GREM2: variants seen among roughly 807,000 people sequenced by gnomAD.
GREM2 encodes the protein gremlin-2.
A neutral mutation model predicts 14.2 loss-of-function variants in GREM2; 11 were observed. The observed-to-expected ratio is 0.78, with a 90% CI of 0.49 to 1.28. The LOEUF is 1.28. GREM2 is among the 50% of genes most tolerant of loss of function. The pLI is 0.00. For missense variants in GREM2, 210 were observed against 218.5 expected (o/e 0.96, Z 0.24); for synonymous variants, 98 against 97.6 (o/e 1.00, Z -0.02).
intron 1 of GREM2, chr1:240,531,558 CA>C (rs1678359617): frequency 1.2e-6 from 1 of 803,048 alleles, no homozygotes; most frequent in African/African-American, 1.9e-5. Context: ...AAAAGCTTCC[CA>C]AACAAAGGAA....
chr1:240,524,493 G>C (rs1678178999), intron 1 of GREM2, among the ~76,000 whole-genome samples: 1 of 152,216 alleles, frequency 6.6e-6, no homozygotes, highest in Non-Finnish European at 1.5e-5. Flanking sequence ...TTTTGAATAA[G>C]TGCAGAATTA....
chr1:240,610,001 C>T (rs1680102477), intron 1 of GREM2, among the ~76,000 whole-genome samples: 1 of 152,120 alleles, frequency 6.6e-6, no homozygotes, highest in Non-Finnish European at 1.5e-5. Context: ...TGAATAATCA[C>T]AGCATTGTTT....
intron 1 of GREM2, among the ~76,000 whole-genome samples, chr1:240,599,178 G>T (rs944061079): frequency 6.6e-6 from 1 of 151,190 alleles, no homozygotes; most frequent in Non-Finnish European, 1.5e-5. Context: ...TGAGGCAGGA[G>T]AATTGCTTGA....
rs111906858 is a variant in GREM2, at chr1:240,592,913, C to G, written c.-2+18971G>C. Among the ~76,000 whole-genome samples the G allele has an allele frequency of 6.7e-3, 1,012 of 151,114 alleles. 19 individuals are homozygous for G. Among genetic ancestry groups the G allele is most frequent in the African/African-American group, 0.023 (925 of 40,880 alleles). ...GGTTGGGAAGCCAAGGCAGGCGGAT[C>G]ACCTGAGGACAGAAGTTCGAGACCA... On this transcript the variant is annotated intron_variant, in intron 1 of 1. Coordinates refer to ENST00000318160, the MANE Select transcript of GREM2 (RefSeq NM_022469.4).
At chr1:240,553,466 C>T (rs925529819) in intron 1 of GREM2, among the ~76,000 whole-genome samples, 4 of 152,132 alleles carry the variant, frequency 2.6e-5, no homozygotes, top group African/African-American at 4.8e-5. Flanking sequence ...TTGTCAGATG[C>T]GTAAAAATCT....
intron 1 of GREM2, among the ~76,000 whole-genome samples, chr1:240,509,687 C>A (rs1377771070): frequency 6.6e-6 from 1 of 152,054 alleles, no homozygotes; most frequent in Non-Finnish European, 1.5e-5. Context: ...CTCTTATGAC[C>A]TCCCTGCCCC....
intron 1 of GREM2, among the ~76,000 whole-genome samples, chr1:240,576,463 A>G (rs191827590): frequency 2.6e-5 from 4 of 152,324 alleles, no homozygotes; most frequent in Admixed American, 2.6e-4. Context: ...GATTTCAATC[A>G]AGCCACAAAC....
intron 1 of GREM2, among the ~76,000 whole-genome samples, chr1:240,598,982 T>G (rs1482274602): frequency 6.6e-6 from 1 of 151,606 alleles, no homozygotes; most frequent in East Asian, 1.9e-4. Context: ...CAATAAAGAG[T>G]AAGTGGTCGG....
intron 1 of GREM2, among the ~76,000 whole-genome samples, chr1:240,583,342 T>C (rs576397203): frequency 1.2e-4 from 19 of 152,268 alleles, no homozygotes; most frequent in African/African-American, 4.1e-4. Flanking sequence ...AGGAAAAATA[T>C]AAAGATGTGA....
At chr1:240,590,756 C>T (rs1356409075) in intron 1 of GREM2, 1 of 150,270 alleles carries the variant, frequency 6.7e-6, no homozygotes, top group Non-Finnish European at 1.5e-5. Context: ...GCTTGTTCTT[C>T]CCCAAGTCTC....
At chr1:240,592,403 C>G (rs1203492441) in intron 1 of GREM2, among the ~76,000 whole-genome samples, 1 of 151,662 alleles carries the variant, frequency 6.6e-6, no homozygotes, top group African/African-American at 2.4e-5. Context: ...ATATTTGCAC[C>G]AAAAAATATT....
At chr1:240,509,608 T>C (rs953747452) in intron 1 of GREM2, among the ~76,000 whole-genome samples, 4 of 151,938 alleles carry the variant, frequency 2.6e-5, no homozygotes, top group African/African-American at 9.7e-5. Flanking sequence ...CCTCAGGTGA[T>C]CCGCCCGCCT....
intron 1 of GREM2, among the ~76,000 whole-genome samples, chr1:240,594,947 T>C (rs1035181674): frequency 6.6e-6 from 1 of 152,320 alleles, no homozygotes; most frequent in East Asian, 1.9e-4. Context: ...ATTTGTGTGA[T>C]AGGAATTTTT....
intron 1 of GREM2, among the ~76,000 whole-genome samples, chr1:240,559,899 A>T (rs1679009419): frequency 6.6e-6 from 1 of 152,084 alleles, no homozygotes; most frequent in East Asian, 1.9e-4. Flanking sequence ...GATATGTTCA[A>T]CTCAAACAAT....
chr1:240,555,813 G>A (rs776974774), intron 1 of GREM2, among the ~76,000 whole-genome samples: 1 of 152,228 alleles, frequency 6.6e-6, no homozygotes, highest in Non-Finnish European at 1.5e-5. Context: ...TATCCTTGGA[G>A]AATAGCATGA....
At chr1:240,579,245 T>G (rs1263141120) in intron 1 of GREM2, among the ~76,000 whole-genome samples, 2 of 152,326 alleles carry the variant, frequency 1.3e-5, no homozygotes, top group African/African-American at 4.8e-5. Flanking sequence ...GGTTGTAACA[T>G]CAACTTTGCA....
chr1:240,554,599 T>C (rs1678918165), intron 1 of GREM2, among the ~76,000 whole-genome samples: 1 of 152,176 alleles, frequency 6.6e-6, no homozygotes, highest in Admixed American at 6.5e-5. Context: ...ACAAACACAT[T>C]TTCACAGGCA....
chr1:240,514,114 G>C (rs1677897576), intron 1 of GREM2, among the ~76,000 whole-genome samples: 1 of 152,002 alleles, frequency 6.6e-6, no homozygotes, highest in African/African-American at 2.4e-5. Flanking sequence ...AGGCGTGGTG[G>C]CATGCATCTG....
At chr1:240,505,071 A>T (rs1362323348) in intron 1 of GREM2, among the ~76,000 whole-genome samples, 1 of 152,142 alleles carries the variant, frequency 6.6e-6, no homozygotes, top group Non-Finnish European at 1.5e-5. Context: ...TGCTCATGAT[A>T]GAGATGTCAC....
Sources: allele counts gnomAD v4.1 joint callset (sites outside exome capture counted in the v4.1 genomes callset), GRCh38; gene constraint gnomAD v4.1.1; transcripts MANE v1.5; gene names NCBI Gene and HGNC (gene_info 2026-07-23, HGNC 2026-07-21).